Variants in MRTFB observed in about 807,000 individuals in gnomAD.
MRTFB encodes the protein myocardin related transcription factor B.
MRTFB carries 29 observed loss-of-function variants against 104.2 expected under a neutral mutation model. The ratio of observed to expected loss-of-function variants is 0.28; its 90% confidence interval spans 0.21 to 0.38. The LOEUF (loss-of-function observed/expected upper bound fraction) is 0.38. Ranked by LOEUF, MRTFB falls within the 10% of genes least tolerant of loss-of-function variation. The pLI, the probability that MRTFB is intolerant of heterozygous loss-of-function variation, is 1.00. For missense variants in MRTFB, 1,270 were observed against 1,341.6 expected (o/e 0.95, Z 0.83); for synonymous variants, 535 against 519.5 (o/e 1.03, Z -0.41).
chr16:14,039,725 A>G, the MRTFB span, among the ~76,000 whole-genome samples: 31 of 147,138 alleles, frequency 2.1e-4, no homozygotes, highest in Admixed American at 4.7e-4. Context: ...TCTATTATCT[A>G]TTATTGTATA....
At chr16:14,064,334 T>G in the MRTFB span, among the ~76,000 whole-genome samples, 1 of 152,184 alleles carries the variant, frequency 6.6e-6, no homozygotes, top group Non-Finnish European at 1.5e-5. Context: ...GTTTTTTGCT[T>G]GTTAGTTTAA....
chr16:14,182,894 C>T (rs1055366428), intron 3 of MRTFB, among the ~76,000 whole-genome samples: 2 of 152,128 alleles, frequency 1.3e-5, no homozygotes, highest in Non-Finnish European at 2.9e-5. Flanking sequence ...AAGTAGGTAA[C>T]ATAAACCATG....
rs370005216 is a variant in MRTFB at position 14,202,132 on chromosome 16, A to G, written c.155-8111A>G. On this transcript the variant is annotated intron_variant, in intron 3 of 16. Coordinates refer to ENST00000571589, the MANE Select transcript of MRTFB (RefSeq NM_001308142.2). ...CTGTTTACAAGGCAAAAAAAAAAAAAAGAGCTAGATTCCTTGATATTCTTT... is the reference window on the plus strand; with the variant it reads ...CTGTTTACAAGGCAAAAAAAAAAAAGAGAGCTAGATTCCTTGATATTCTTT... Among the ~76,000 whole-genome samples, 66 of 152,080 alleles carry G rather than the reference A, an allele frequency of 4.3e-4. No individual in the cohort carries two copies. In the East Asian group the frequency reaches 0.011, roughly 26 times the overall value.
At chr16:14,157,147 C>T (rs1199206844) in intron 3 of MRTFB, among the ~76,000 whole-genome samples, 1 of 152,094 alleles carries the variant, frequency 6.6e-6, no homozygotes, top group African/African-American at 2.4e-5. Flanking sequence ...AAACAAATGT[C>T]ATATAATAGG....
intron 3 of MRTFB, among the ~76,000 whole-genome samples, chr16:14,202,332 T>C (rs1320653163): frequency 6.6e-6 from 1 of 152,178 alleles, no homozygotes; most frequent in Admixed American, 6.5e-5. Context: ...GGATTAACTT[T>C]CACTTTTCTT....
the MRTFB span, among the ~76,000 whole-genome samples, chr16:14,038,385 G>A: frequency 6.6e-6 from 1 of 152,100 alleles, no homozygotes; most frequent in South Asian, 2.1e-4. Context: ...AGAGGCAGAG[G>A]GGACAAGATT....
At chr16:14,005,620 G>A in the MRTFB span, among the ~76,000 whole-genome samples, 1 of 152,198 alleles carries the variant, frequency 6.6e-6, no homozygotes, top group East Asian at 1.9e-4. Flanking sequence ...CTGGATGGTT[G>A]CAAAGGCCGT....
rs919801693 is a variant in MRTFB, at chr16:14,265,396, T to C, written c.*3952T>C. The C allele has an allele frequency of 6.6e-6, 1 of 152,196 alleles. No homozygotes were observed. The highest frequency in any genetic ancestry group is 2.4e-5 in the African/African-American group (1 of 41,442). The allele number at this position is 152,196 out of a possible 1,614,324, so 9.4% of individuals were successfully genotyped here. Reference sequence around the variant, plus strand: ...AACATTAACTGGAAGGTCAGGTTTTTCAAGGAACATAGCTTACAAATGCAT... The same window carrying C: ...AACATTAACTGGAAGGTCAGGTTTTCCAAGGAACATAGCTTACAAATGCAT... On this transcript the variant is annotated 3_prime_UTR_variant, in exon 17 of 17. Transcript: ENST00000571589.
rs746274884 is a variant in MRTFB at position 14,246,585 on chromosome 16, C to G, written c.1325C>G (p.Ala442Gly). Residue 442 changes from alanine (A) to glycine (G), a missense_variant, in exon 12 of 17, where the codon GCT (alanine) becomes GGT (glycine). By Grantham distance (60) the Ala-to-Gly change is moderately conservative. Transcript: ENST00000571589. The part of the protein sequence containing the change: ...PYQEVNSSGL[A>G]AGGIVAVSSS... ...CAGGAAGTGAACAGCAGCGGCCTTG[C>G]TGCTGGGGGCATCGTGGCAGTGTCA... is the stretch of plus-strand genomic sequence containing the variant. The G allele has an allele frequency of 3.1e-5, 50 of 1,614,038 alleles. No individual in the cohort carries two copies. The East Asian group carries it at 4.5e-4, about 14-fold the overall frequency.
chr16:14,063,287 T>A, the MRTFB span, among the ~76,000 whole-genome samples: 1 of 152,216 alleles, frequency 6.6e-6, no homozygotes, highest in Non-Finnish European at 1.5e-5. Flanking sequence ...GGTGCACATG[T>A]GTCTCAAGAT....
rs147725813 is a variant in MRTFB at position 14,072,589 on chromosome 16, G to A, written c.-129+1224G>A. Among the ~76,000 whole-genome samples the A allele has an allele frequency of 1.7e-3, 257 of 152,318 alleles. 2 individuals carry two copies. Among genetic ancestry groups the A allele is most frequent in the Middle Eastern group, 6.8e-3 (2 of 294 alleles). ...AGTCTCAGCTGCTTGGGAGGCTGAG[G>A]TGAGGGGATCTCTTGAGCCCAGGAG... On this transcript the variant is annotated intron_variant, in intron 1 of 16. Coordinates refer to ENST00000571589, the MANE Select transcript of MRTFB (RefSeq NM_001308142.2).
chr16:14,154,718 A>T (rs1032179461), intron 3 of MRTFB, among the ~76,000 whole-genome samples: 3 of 152,202 alleles, frequency 2.0e-5, no homozygotes, highest in Non-Finnish European at 4.4e-5. Flanking sequence ...TTTCATCTGA[A>T]GGTTCAACTA....
At chr16:14,251,431 G>A (rs1370110811) in intron 13 of MRTFB, among the ~76,000 whole-genome samples, 1 of 150,616 alleles carries the variant, frequency 6.6e-6, no homozygotes, top group Non-Finnish European at 1.5e-5. Flanking sequence ...ACCTTAGAGA[G>A]GAATAGAAGA....
At chr16:14,121,796 A>AT (rs1368096398) in intron 2 of MRTFB, among the ~76,000 whole-genome samples, 2 of 152,210 alleles carry the variant, frequency 1.3e-5, no homozygotes, top group African/African-American at 4.8e-5. Flanking sequence ...GAAATGTTCT[A>AT]TTTTGTACCA....
chr16:14,157,368 A>G (rs937272268), intron 3 of MRTFB, among the ~76,000 whole-genome samples: 4 of 152,256 alleles, frequency 2.6e-5, no homozygotes, highest in Non-Finnish European at 5.9e-5. Flanking sequence ...ATCTGATAAT[A>G]CCACTCAAAA....
chr16:14,193,637 T>A (rs1221489334), intron 3 of MRTFB: 1 of 152,246 alleles, frequency 6.6e-6, no homozygotes, highest in Non-Finnish European at 1.5e-5. Flanking sequence ...TGTTCACCAC[T>A]GTGCTTGCAC....
At chr16:14,188,025 C>T (rs1045782694) in intron 3 of MRTFB, among the ~76,000 whole-genome samples, 10 of 152,128 alleles carry the variant, frequency 6.6e-5, no homozygotes, top group Non-Finnish European at 1.3e-4. Flanking sequence ...GTGCTTTGAG[C>T]TTCTTCTAAA....
the MRTFB span, among the ~76,000 whole-genome samples, chr16:14,029,530 C>CACAT: frequency 0.29 from 42,256 of 145,478 alleles, 7,083 homozygotes; most frequent in East Asian, 0.39. Context: ...CACACACACA[C>CACAT]ATATATATAT....
intron 4 of MRTFB, 82 bp downstream of exon 4, chr16:14,210,390 C>A: frequency 1.9e-6 from 2 of 1,040,840 alleles, no homozygotes; most frequent in Non-Finnish European, 2.9e-6. Flanking sequence ...TCTTGCTCTG[C>A]TTTCAGTTGT....
Sources: allele counts gnomAD v4.1 joint callset (sites outside exome capture counted in the v4.1 genomes callset), GRCh38; gene constraint gnomAD v4.1.1; transcripts MANE v1.5; gene names NCBI Gene and HGNC (gene_info 2026-07-23, HGNC 2026-07-21).